Variants in CACNB2 observed in about 807,000 individuals in gnomAD.
CACNB2 encodes calcium voltage-gated channel auxiliary subunit beta 2, also known as voltage-dependent L-type calcium channel subunit beta-2.
In CACNB2, 42 loss-of-function variants were observed where a neutral mutation model predicts 73.3. The ratio of observed to expected loss-of-function variants is 0.57; its 90% CI spans 0.45 to 0.74. CACNB2 has a LOEUF of 0.74. CACNB2 is among the 30% of genes least tolerant of loss of function. The probability of loss-of-function intolerance (pLI) is 0.00; values close to 1 mark genes in which losing one functional copy is unlikely to be tolerated. For synonymous variants in CACNB2, 348 were observed against 310.3 expected (o/e 1.12, Z -1.28); for missense variants, 940 against 853.0 (o/e 1.10, Z -1.27).
intron 2 of CACNB2, among the ~76,000 whole-genome samples, chr10:18,222,449 G>A (rs1408823570): frequency 6.6e-6 from 1 of 151,092 alleles, no homozygotes; most frequent in Admixed American, 6.6e-5. Flanking sequence ...GAGACCCTCT[G>A]CGAAATAAGA....
chr10:18,314,951 A>T lies in CACNB2; in HGVS notation c.214-86973A>T, dbSNP rs186890836. Among the ~76,000 whole-genome samples, 485 of 152,288 alleles carry T rather than the reference A, an allele frequency of 3.2e-3. 1 individual carries two copies. Among genetic ancestry groups the T allele is most frequent in the African/African-American group, 0.011 (444 of 41,558 alleles). ...CTAGTGGTGTTTCATTTCTTTTTTT[A>T]AAAAATACTTGCCCTTAGAAATTCA... is the stretch of plus-strand genomic sequence containing the variant. On this transcript the variant is annotated intron_variant, in intron 2 of 13. Coordinates refer to ENST00000324631, the MANE Select transcript of CACNB2 (RefSeq NM_201596.3).
At position 18,541,054 on chromosome 10, in the gene CACNB2, G is replaced by GTTTC. The variant is rs1382498843; in HGVS notation, c.*1333_*1334insCTTT. 1 of 152,304 alleles carries GTTTC rather than the reference G, an allele frequency of 6.6e-6. No homozygotes were observed. The highest frequency in any genetic ancestry group is 2.4e-5 in the African/African-American group (1 of 41,316). 9.4% of individuals were successfully genotyped at this position (152,304 alleles called of 1,614,324 possible). ...TAGAGTATTTGTTTTAGTAAGAAATGTTTACACAGCTTGTGGAATTATTTC... is the reference window on the plus strand; with the variant it reads ...TAGAGTATTTGTTTTAGTAAGAAATGTTTCTTTACACAGCTTGTGGAATTATTTC... On this transcript the variant is annotated 3_prime_UTR_variant, in exon 14 of 14. Transcript: ENST00000324631.
intron 3 of CACNB2, among the ~76,000 whole-genome samples, chr10:18,494,922 T>C (rs1304479052): frequency 6.6e-6 from 1 of 151,932 alleles, no homozygotes; most frequent in African/African-American, 2.4e-5. Context: ...AAAAATAAAA[T>C]GTAAAAACTT....
At chr10:18,183,210 T>G (rs1445048238) in intron 2 of CACNB2, among the ~76,000 whole-genome samples, 1 of 152,194 alleles carries the variant, frequency 6.6e-6, no homozygotes, top group Non-Finnish European at 1.5e-5. Context: ...GTGAAGTGCT[T>G]AGGACCATGT....
At chr10:18,522,583 G>C (rs2052011948) in intron 9 of CACNB2, among the ~76,000 whole-genome samples, 1 of 152,076 alleles carries the variant, frequency 6.6e-6, no homozygotes, top group Admixed American at 6.5e-5. Flanking sequence ...AGTCTTTTTA[G>C]TAAGTGATCA....
At chr10:18,339,512 C>T (rs1329267340) in intron 2 of CACNB2, among the ~76,000 whole-genome samples, 1 of 152,036 alleles carries the variant, frequency 6.6e-6, no homozygotes, top group Non-Finnish European at 1.5e-5. Flanking sequence ...CACAGCAAGA[C>T]TCCATCTCTA....
chr10:18,204,666 G>A (rs78940953), intron 2 of CACNB2, among the ~76,000 whole-genome samples: 1 of 152,116 alleles, frequency 6.6e-6, no homozygotes, highest in Admixed American at 6.6e-5. Context: ...CAAAACTATG[G>A]CATGATAGAT....
chr10:18,511,358 TAAATA>T (rs1432768065), intron 6 of CACNB2, among the ~76,000 whole-genome samples: 2 of 152,222 alleles, frequency 1.3e-5, no homozygotes, highest in Non-Finnish European at 2.9e-5. Flanking sequence ...AAGGAATAAT[TAAATA>T]AGAGAGCCTA....
chr10:18,496,692 T>C (rs1283329009), intron 3 of CACNB2, among the ~76,000 whole-genome samples: 6 of 149,882 alleles, frequency 4.0e-5, no homozygotes, highest in South Asian at 2.1e-4. Context: ...CGGGTGCCTG[T>C]AATCCCAGCA....
At chr10:18,435,716 T>G (rs2046099578) in intron 3 of CACNB2, among the ~76,000 whole-genome samples, 2 of 151,940 alleles carry the variant, frequency 1.3e-5, no homozygotes, top group Admixed American at 1.3e-4. Flanking sequence ...CCCAGGCTGG[T>G]CTCAAACTCC....
rs149276594 is a variant in CACNB2 at position 18,518,930 on chromosome 10, A to G, written c.906A>G (p.Lys302=). Residue 302 remains lysine (K), a synonymous_variant, in exon 9 of 14, where the codon AAA becomes AAG. Coordinates refer to ENST00000324631, the MANE Select transcript of CACNB2 (RefSeq NM_201596.3). ...TGCAGGTCACAGATATGATGCAAAA[A>G]GCGCTGTTTGATTTTTTAAAACACA... is the stretch of plus-strand genomic sequence containing the variant. ...KGYEVTDMMQ[K]ALFDFLKHRF... 1.2e-6 allele frequency: 2 copies of G among 1,613,766 alleles called. No homozygotes were observed. The highest frequency in any genetic ancestry group is 2.7e-5 in the African/African-American group (2 of 74,884).
intron 2 of CACNB2, among the ~76,000 whole-genome samples, chr10:18,158,923 G>T (rs1463747127): frequency 6.6e-6 from 1 of 152,164 alleles, no homozygotes; most frequent in African/African-American, 2.4e-5. Context: ...ATAAGTACTG[G>T]TTATCAAAGT....
chr10:18,261,071 G>A, intron 2 of CACNB2: 149 of 1,325,812 alleles, frequency 1.1e-4, no homozygotes, highest in South Asian at 4.7e-4. Flanking sequence ...AAGACAAACA[G>A]GGGAGAACAA....
intron 2 of CACNB2, among the ~76,000 whole-genome samples, chr10:18,310,043 T>C (rs1026763400): frequency 3.9e-5 from 6 of 152,232 alleles, no homozygotes; most frequent in Non-Finnish European, 8.8e-5. Context: ...AGTGCTGCTG[T>C]TTCTAAGCTG....
intron 2 of CACNB2, among the ~76,000 whole-genome samples, chr10:18,360,725 T>A (rs2042107834): frequency 6.6e-6 from 1 of 152,214 alleles, no homozygotes; most frequent in African/African-American, 2.4e-5. Flanking sequence ...GCTCCATAAC[T>A]TGTCCTCTTA....
chr10:18,196,312 A>G, intron 2 of CACNB2, among the ~76,000 whole-genome samples: 2 of 44,786 alleles, frequency 4.5e-5, no homozygotes, highest in African/African-American at 1.1e-4. Flanking sequence ...TTTTTTTTTG[A>G]GACAGGGTCT....
At position 18,498,451 on chromosome 10, in the gene CACNB2, G is replaced by T; in HGVS notation, c.430G>T (p.Ala144Ser). ...GCCTGGCATGGCCATCTCATTCGAA[G>T]CAAAAGATTTTCTGCATGTTAAGGA... ...PVPGMAISFE[A>S]KDFLHVKEKF... The change falls in exon 4 of 14, where the codon GCA (alanine) becomes TCA (serine). Residue 144 changes from alanine to serine, a missense_variant. Transcript: ENST00000324631. 3 of 1,614,092 alleles carry T rather than the reference G, an allele frequency of 1.9e-6. No individual in the cohort carries two copies. In the South Asian group the frequency reaches 3.3e-5, roughly 18 times the overall value.
intron 2 of CACNB2, among the ~76,000 whole-genome samples, chr10:18,263,261 C>T (rs748615722): frequency 2.7e-4 from 41 of 152,212 alleles, no homozygotes; most frequent in East Asian, 5.8e-4. Context: ...CTATCTGTAA[C>T]GGAGACTTTA....
At chr10:18,319,060 C>G (rs1174353297) in intron 2 of CACNB2, among the ~76,000 whole-genome samples, 1 of 152,118 alleles carries the variant, frequency 6.6e-6, no homozygotes, top group African/African-American at 2.4e-5. Flanking sequence ...GGATCTACAA[C>G]CAGAAATACC....
Sources: gnomAD v4.1 joint callset for allele counts (sites outside exome capture counted in the v4.1 genomes callset) on GRCh38, gnomAD v4.1.1 for gene constraint, MANE v1.5 for transcripts, NCBI Gene and HGNC (gene_info 2026-07-23, HGNC 2026-07-21) for gene names.